Variants in SLC24A3 observed in about 807,000 individuals in gnomAD.
SLC24A3 encodes solute carrier family 24 member 3.
In SLC24A3, 28 loss-of-function variants were observed where a neutral mutation model predicts 75.8. The observed-to-expected ratio is 0.37, with a 90% confidence interval of 0.27 to 0.51. The LOEUF is 0.51. Among genes scored for constraint, SLC24A3 ranks in the 20% least tolerant of loss-of-function variants. SLC24A3 has a pLI of 0.94. For synonymous variants in SLC24A3, 372 were observed against 334.1 expected, an observed-to-expected ratio of 1.11 and a Z score of -1.24; for missense variants, 663 against 847.8, an observed-to-expected ratio of 0.78 and a Z score of 2.71.
chr20:19,508,126 G>T (rs1424009475), intron 2 of SLC24A3, among the ~76,000 whole-genome samples: 2 of 152,170 alleles, frequency 1.3e-5, no homozygotes, highest in Admixed American at 1.3e-4. Flanking sequence ...AGGAGGTACC[G>T]CACCCGGAAG....
At chr20:19,565,050 C>T (rs1188269345) in intron 3 of SLC24A3, among the ~76,000 whole-genome samples, 1 of 152,226 alleles carries the variant, frequency 6.6e-6, no homozygotes, top group Non-Finnish European at 1.5e-5. Flanking sequence ...AGGTGATCCA[C>T]CCACCTTAGT....
chr20:19,503,269 G>A (rs2294899), intron 2 of SLC24A3, among the ~76,000 whole-genome samples: 99,771 of 152,040 alleles, frequency 0.66, 33,649 homozygotes, highest in African/African-American at 0.82. Flanking sequence ...CAGAGCTATA[G>A]TGTGCCATCA....
intron 2 of SLC24A3, among the ~76,000 whole-genome samples, chr20:19,436,726 ACT>A (rs1204037168): frequency 1.3e-5 from 2 of 151,550 alleles, no homozygotes; most frequent in Non-Finnish European, 2.9e-5. Context: ...GGATAATGGG[ACT>A]CTCTCCCCAT....
intron 6 of SLC24A3, among the ~76,000 whole-genome samples, chr20:19,592,918 C>A (rs1380291684): frequency 6.6e-6 from 1 of 151,846 alleles, no homozygotes; most frequent in Non-Finnish European, 1.5e-5. Context: ...GCCTCAGCCT[C>A]CCGAGTAGCT....
At chr20:19,241,130 A>G (rs1982314096) in intron 1 of SLC24A3, among the ~76,000 whole-genome samples, 1 of 152,222 alleles carries the variant, frequency 6.6e-6, no homozygotes, top group Non-Finnish European at 1.5e-5. Flanking sequence ...GAGGGAAAGC[A>G]AACCAACCAT....
At chr20:19,364,136 G>A (rs955059724) in intron 2 of SLC24A3, among the ~76,000 whole-genome samples, 9 of 152,278 alleles carry the variant, frequency 5.9e-5, no homozygotes, top group Admixed American at 1.3e-4. Context: ...GGGTTTTATC[G>A]TTTCCAAGAG....
chr20:19,402,610 T>A (rs1026080197), intron 2 of SLC24A3, among the ~76,000 whole-genome samples: 2 of 152,202 alleles, frequency 1.3e-5, no homozygotes, highest in Non-Finnish European at 2.9e-5. Context: ...ACAGAACATT[T>A]AAAATCTATT....
intron 2 of SLC24A3, among the ~76,000 whole-genome samples, chr20:19,472,065 G>A (rs964700699): frequency 6.6e-6 from 1 of 152,192 alleles, no homozygotes; most frequent in Non-Finnish European, 1.5e-5. Context: ...TTCCTGTTGT[G>A]TAGAGCAGAA....
At chr20:19,325,826 AGAGAGAGAGAGAGG>A (rs1390686807) in intron 2 of SLC24A3, among the ~76,000 whole-genome samples, 1,520 of 111,436 alleles carry the variant, frequency 0.014, 59 homozygotes, top group African/African-American at 0.057. Flanking sequence ...AGAGAGAGAG[AGAGAGAGAGAGAGG>A]GAGACATCTG....
At chr20:19,369,474 A>AC (rs60592982) in intron 2 of SLC24A3, among the ~76,000 whole-genome samples, 22,979 of 152,140 alleles carry the variant, frequency 0.15, 4,156 homozygotes, top group African/African-American at 0.41. Context: ...GCAATGGGGG[A>AC]CTTTTGTTGA....
intron 6 of SLC24A3, among the ~76,000 whole-genome samples, chr20:19,608,832 T>A (rs547180850): frequency 6.6e-6 from 1 of 152,300 alleles, no homozygotes; most frequent in Non-Finnish European, 1.5e-5. Flanking sequence ...CCCCTCCTAC[T>A]TTTTTTCCTG....
At chr20:19,257,158 G>A (rs1982839996) in intron 1 of SLC24A3, among the ~76,000 whole-genome samples, 1 of 152,178 alleles carries the variant, frequency 6.6e-6, no homozygotes, top group Non-Finnish European at 1.5e-5. Context: ...GCAAAAATAG[G>A]TTTTTAAAGA....
chr20:19,682,006 C>T lies in SLC24A3; in HGVS notation c.901+15C>T, dbSNP rs2032621087. ...ACTTAAGAAAGGTAACCAAGGAGAG[C>T]ACTTTGGGGTCCAAGGCAGGAGGAT... On this transcript the variant is annotated intron_variant, in intron 10 of 16. Transcript: ENST00000328041. 1 of 1,612,804 alleles carries T rather than the reference C, an allele frequency of 6.2e-7. No individual in the cohort carries two copies. The highest frequency in any genetic ancestry group is 8.5e-7 in the Non-Finnish European group (1 of 1,179,626).
chr20:19,212,857 C>G lies in SLC24A3; in HGVS notation c.15C>G (p.Gly5=), dbSNP rs752432073. The change falls in exon 1 of 17, where the codon GGC becomes GGG. Residue 5 remains glycine, a synonymous_variant. Coordinates refer to ENST00000328041, the MANE Select transcript of SLC24A3 (RefSeq NM_020689.4). MRPS[G]DEDRARRRRR... ...GCCGCCCGAGGATGCGGCCGTCCGG[C>G]GACGAGGACCGCGCGCGTCGCCGCC... 3 of 1,154,218 alleles carry G rather than the reference C, an allele frequency of 2.6e-6. No individual in the cohort carries two copies. Among genetic ancestry groups the G allele is most frequent in the Non-Finnish European group, 3.2e-6 (3 of 936,912 alleles). The allele number at this position is 1,154,218 out of a possible 1,614,324, so 71.5% of individuals were successfully genotyped here.
intron 2 of SLC24A3, among the ~76,000 whole-genome samples, chr20:19,346,983 A>G (rs1024954822): frequency 6.6e-6 from 1 of 152,250 alleles, no homozygotes; most frequent in Non-Finnish European, 1.5e-5. Flanking sequence ...GTGCTTCAAC[A>G]GATACATAAA....
At chr20:19,369,947 C>A (rs745535526) in intron 2 of SLC24A3, among the ~76,000 whole-genome samples, 1 of 152,116 alleles carries the variant, frequency 6.6e-6, no homozygotes, top group Non-Finnish European at 1.5e-5. Flanking sequence ...AGGTTACAAG[C>A]GTGAGCCACT....
intron 2 of SLC24A3, among the ~76,000 whole-genome samples, chr20:19,297,565 A>T (rs1358990901): frequency 6.6e-6 from 1 of 152,236 alleles, no homozygotes; most frequent in Non-Finnish European, 1.5e-5. Context: ...TTTGAGATTC[A>T]TCCATGTATT....
intron 6 of SLC24A3, among the ~76,000 whole-genome samples, chr20:19,588,910 C>G (rs1403927494): frequency 6.6e-6 from 1 of 152,208 alleles, no homozygotes; most frequent in African/African-American, 2.4e-5. Context: ...CGGCAGATGG[C>G]TCTAGTTTAT....
intron 2 of SLC24A3, among the ~76,000 whole-genome samples, chr20:19,395,709 G>C (rs1986442346): frequency 6.6e-6 from 1 of 152,234 alleles, no homozygotes; most frequent in South Asian, 2.1e-4. Context: ...TCCAAGTTGA[G>C]TTTTAAAGTA....
Sources: allele counts gnomAD v4.1 joint callset (sites outside exome capture counted in the v4.1 genomes callset), GRCh38; gene constraint gnomAD v4.1.1; transcripts MANE v1.5; gene names NCBI Gene and HGNC (gene_info 2026-07-23, HGNC 2026-07-21).